Variants in PRTG observed in about 807,000 individuals in gnomAD.
PRTG encodes the protein protogenin, also known as immunoglobulin superfamily, DCC subclass, member 5.
A neutral mutation model predicts 122.5 loss-of-function variants in PRTG; 67 were observed. The observed-to-expected ratio is 0.55, with a 90% CI of 0.45 to 0.67. The LOEUF (loss-of-function observed/expected upper bound fraction) is 0.67. Ranked by LOEUF, PRTG falls within the 30% of genes least tolerant of loss-of-function variation. The pLI is 0.00. For synonymous variants in PRTG, 554 were observed against 501.1 expected (o/e 1.11, Z -1.41); for missense variants, 1,435 against 1,415.4 (o/e 1.01, Z -0.22).
chr15:55,630,541 C>G (rs984708487), intron 15 of PRTG, among the ~76,000 whole-genome samples: 18 of 152,192 alleles, frequency 1.2e-4, no homozygotes, highest in Admixed American at 5.2e-4. Context: ...CACCAGCAAT[C>G]TGTGTAAGAT....
At chr15:55,676,740 A>T (rs1402641932) in intron 8 of PRTG, among the ~76,000 whole-genome samples, 2 of 152,142 alleles carry the variant, frequency 1.3e-5, no homozygotes, top group East Asian at 1.9e-4. Flanking sequence ...TAATGAAACA[A>T]CCATAATAGG....
intron 2 of PRTG, among the ~76,000 whole-genome samples, chr15:55,688,183 T>C (rs555745399): frequency 1.1e-4 from 17 of 152,326 alleles, no homozygotes; most frequent in Admixed American, 1.1e-3. Flanking sequence ...CTGTCTCCCC[T>C]TCTTCCTTTC....
At chr15:55,622,223 T>TTTG (rs1052280649) in intron 18 of PRTG, among the ~76,000 whole-genome samples, 19 of 149,086 alleles carry the variant, frequency 1.3e-4, no homozygotes, top group African/African-American at 3.5e-4. Context: ...CTTGTTTTTT[T>TTTG]TTTTTTTTTT....
At chr15:55,635,002 C>T (rs1187048460) in intron 15 of PRTG, among the ~76,000 whole-genome samples, 2 of 151,946 alleles carry the variant, frequency 1.3e-5, no homozygotes, top group African/African-American at 4.8e-5. Flanking sequence ...CAAGCAGAGG[C>T]TTGTGAAAGC....
In PRTG at chr15:55,673,729, C is replaced by T. The variant is rs533033213; in HGVS notation, c.1547-53G>A. 27 of 1,347,974 alleles carry T rather than the reference C, an allele frequency of 2.0e-5. No individual in the cohort carries two copies. In the Middle Eastern group the frequency reaches 1.1e-3, roughly 56 times the overall value. 83.5% of individuals were successfully genotyped at this position (1,347,974 alleles called of 1,614,324 possible). A position where few individuals can be genotyped will look rare whatever the true frequency, so the allele number is the denominator to read the frequency against. On this transcript the variant is annotated intron_variant, in intron 9 of 19. Transcript: ENST00000389286. ...ATAAATATTTAGAATCGAATTGCCA[C>T]TTAGCACACCAGTAACTGAATTCTC...
chr15:55,653,157 T>G (rs1449223056), intron 11 of PRTG, among the ~76,000 whole-genome samples: 2 of 152,200 alleles, frequency 1.3e-5, no homozygotes, highest in Non-Finnish European at 2.9e-5. Context: ...ATAGAAGATT[T>G]GAGTATAAAA....
At position 55,673,576 on chromosome 15, in the gene PRTG, C is replaced by T. The variant is rs768004694; in HGVS notation, c.1647G>A (p.Val549=). The part of the protein sequence containing the change: ...PIPAKYRRGQ[V]VLYRLSFRLS... ...GGCGGAAAGACAAGCGATACAGCACCACTTGGCCCCGCCGATATTTGGCTG... is the reference window on the plus strand; with the variant it reads ...GGCGGAAAGACAAGCGATACAGCACTACTTGGCCCCGCCGATATTTGGCTG... Residue 549 remains valine, a synonymous_variant, in exon 10 of 20, where the codon GTG becomes GTA. Coordinates refer to ENST00000389286, the MANE Select transcript of PRTG (RefSeq NM_173814.6). 1 of 1,614,176 alleles carries T rather than the reference C, an allele frequency of 6.2e-7. No individual in the cohort carries two copies. The highest frequency in any genetic ancestry group is 1.7e-5 in the Admixed American group (1 of 60,020).
At chr15:55,738,929 G>A (rs559594191) in intron 2 of PRTG, among the ~76,000 whole-genome samples, 1 of 147,932 alleles carries the variant, frequency 6.8e-6, no homozygotes, top group Non-Finnish European at 1.5e-5. Flanking sequence ...GAGAAAGGAA[G>A]GAAGTAGGAA....
intron 7 of PRTG, 30 bp from the exon 8 acceptor site, chr15:55,678,074 A>G (rs1281358682): frequency 3.6e-6 from 5 of 1,387,142 alleles, no homozygotes; most frequent in Non-Finnish European, 5.0e-6. Flanking sequence ...TATTTCCATG[A>G]AAAATTCTAA....
In PRTG at chr15:55,742,959, C is replaced by T. The variant is rs1175876427; in HGVS notation, c.-28G>A. The T allele has an allele frequency of 1.2e-5, 18 of 1,481,880 alleles. No individual in the cohort carries two copies. Among genetic ancestry groups the T allele is most frequent in the Admixed American group, 2.3e-5 (1 of 43,006 alleles). 91.8% of individuals were successfully genotyped at this position (1,481,880 alleles called of 1,614,324 possible). ...AGCGTAGCCGCGCGGGCATGCTCCC[C>T]GGCCGCCCAGAGCCCCTGTCCGTCT... On this transcript the variant is annotated 5_prime_UTR_variant, in exon 1 of 20. Transcript: ENST00000389286.
At chr15:55,637,487 C>T (rs2059264454) in intron 14 of PRTG, 147 bp from the exon 15 acceptor site, 3 of 525,606 alleles carry the variant, frequency 5.7e-6, no homozygotes, top group African/African-American at 3.9e-5. Context: ...AGTGATAATA[C>T]TAAAGTACCA....
intron 11 of PRTG, among the ~76,000 whole-genome samples, chr15:55,658,867 A>T (rs983653620): frequency 1.3e-5 from 2 of 152,142 alleles, no homozygotes; most frequent in Non-Finnish European, 2.9e-5. Context: ...AATTTTTCTT[A>T]GAAGGAAATG....
chr15:55,739,032 T>C (rs1386279408), intron 2 of PRTG, among the ~76,000 whole-genome samples: 1 of 152,106 alleles, frequency 6.6e-6, no homozygotes, highest in African/African-American at 2.4e-5. Context: ...GGTAGGAGTG[T>C]GGCTAGAACC....
At chr15:55,674,028 G>C (rs888571443) in intron 9 of PRTG, among the ~76,000 whole-genome samples, 1 of 152,176 alleles carries the variant, frequency 6.6e-6, no homozygotes, top group Non-Finnish European at 1.5e-5. Flanking sequence ...ATTATACAAG[G>C]GTGGGGAAGC....
Position 55,672,604 on chromosome 15 carries a change from G to T in PRTG, c.1882C>A (p.Pro628Thr), listed in dbSNP as rs1277231154. 6.2e-7 allele frequency: 1 copy of T among 1,613,558 alleles called. No individual in the cohort carries two copies. The highest frequency in any genetic ancestry group is 1.3e-5 in the African/African-American group (1 of 74,894). Residue 628 changes from proline (P) to threonine (T), a missense_variant, in exon 11 of 20, where the codon CCT becomes ACT. Coordinates refer to ENST00000389286, the MANE Select transcript of PRTG (RefSeq NM_173814.6). ...ACAGAAATGGTGGTACAGTTCAGAG[G>T]CTCCAAATGCAACTCTGGAGACTTA... is the stretch of plus-strand genomic sequence containing the variant. ...APKSPELHLE[P>T]LNCTTISVRW...
chr15:55,687,382 GATT>G (rs1025472258), intron 2 of PRTG, among the ~76,000 whole-genome samples: 4 of 152,082 alleles, frequency 2.6e-5, no homozygotes, highest in Non-Finnish European at 5.9e-5. Context: ...TTATAAATGT[GATT>G]ATTGAGAATA....
In PRTG at chr15:55,680,551, C is replaced by A; in HGVS notation, c.754G>T (p.Val252Leu). Residue 252 changes from valine to leucine, a missense_variant, in exon 5 of 20, where the codon GTA becomes TTA. Transcript: ENST00000389286. ...QNITTSLHQT[V>L]VLECMATGNP... The stretch of plus-strand genomic sequence containing the variant: ...CCTGTGGCCATGCATTCCAAAACTA[C>A]AGTCTGATGAAGAGATGTTGTTATG... The A allele has an allele frequency of 6.2e-7, 1 of 1,602,172 alleles. No individual in the cohort carries two copies. The highest frequency in any genetic ancestry group is 8.5e-7 in the Non-Finnish European group (1 of 1,174,034).
At chr15:55,624,094 GAATAT>G (rs1250659644) in intron 18 of PRTG, among the ~76,000 whole-genome samples, 1 of 151,824 alleles carries the variant, frequency 6.6e-6, no homozygotes, top group Non-Finnish European at 1.5e-5. Context: ...TTATATGTTG[GAATAT>G]AATATAAATG....
chr15:55,708,802 T>G (rs1274694161), intron 2 of PRTG, among the ~76,000 whole-genome samples: 1 of 151,970 alleles, frequency 6.6e-6, no homozygotes, highest in Non-Finnish European at 1.5e-5. Context: ...TGATATACTT[T>G]TTTTTAAGTC....
Sources: gnomAD v4.1 joint callset for allele counts (sites outside exome capture counted in the v4.1 genomes callset) on GRCh38, gnomAD v4.1.1 for gene constraint, MANE v1.5 for transcripts, NCBI Gene and HGNC (gene_info 2026-07-23, HGNC 2026-07-21) for gene names.